UNC80: variants seen among roughly 807,000 people sequenced by gnomAD.
UNC80 encodes the protein unc-80 subunit of NALCN channel complex.
UNC80 carries 164 observed loss-of-function variants against 384.6 expected under a neutral mutation model. That is an observed-to-expected ratio of 0.43 (90% CI 0.38 to 0.49). The LOEUF (loss-of-function observed/expected upper bound fraction) is 0.49. Ranked by LOEUF, UNC80 falls within the 20% of genes least tolerant of loss-of-function variation. The pLI is 0.00. For missense variants in UNC80, 3,330 were observed against 4,143.0 expected, an observed-to-expected ratio of 0.80 and a Z score of 5.39; for synonymous variants, 1,486 against 1,527.8, an observed-to-expected ratio of 0.97 and a Z score of 0.64.
intron 25 of UNC80, among the ~76,000 whole-genome samples, chr2:209,887,536 G>T (rs1370790932): frequency 6.6e-6 from 1 of 152,146 alleles, no homozygotes; most frequent in Non-Finnish European, 1.5e-5. Flanking sequence ...GCCATGTAAG[G>T]CAACATATTC....
At chr2:209,943,548 C>A (rs756304266) in intron 45 of UNC80, 34 bp downstream of exon 45, 2 of 1,548,150 alleles carry the variant, frequency 1.3e-6, no homozygotes, top group African/African-American at 1.4e-5. Flanking sequence ...AAAATGAAGA[C>A]CAACAAAATG....
At chr2:209,920,880 C>A (rs112634987) in intron 33 of UNC80, among the ~76,000 whole-genome samples, 1 of 150,038 alleles carries the variant, frequency 6.7e-6, no homozygotes, top group Admixed American at 6.7e-5. Flanking sequence ...CAGGCTGGAG[C>A]GCAGTGGTGT....
At chr2:209,833,115 A>C (rs2081099325) in intron 16 of UNC80, among the ~76,000 whole-genome samples, 1 of 152,148 alleles carries the variant, frequency 6.6e-6, no homozygotes. Flanking sequence ...CAGAACCCAA[A>C]GCGTTCTCCA....
Position 209,936,886 on chromosome 2 carries a change from C to T in UNC80, c.6316C>T (p.His2106Tyr), listed in dbSNP as rs2091283322. 6.4e-7 allele frequency: 1 copy of T among 1,550,998 alleles called. No individual in the cohort carries two copies. The highest frequency in any genetic ancestry group is 2.4e-5 in the East Asian group (1 of 40,898). ...TAATATCCCAGAATCCCAGTCAACA[C>T]ATTATTTTCTTATGGATAAACGATG... Reference protein sequence around the residue: ...FFNIPESQSTHYFLMDKRWNL... With the variant: ...FFNIPESQSTYYFLMDKRWNL... Residue 2106 changes from histidine (H) to tyrosine (Y), a missense_variant, in exon 41 of 65, where the codon CAT (histidine) becomes TAT (tyrosine). This residue lies in a region of UNC80 where 1,049 missense variants were observed against 1,488.6 expected (regional missense o/e 0.70). Transcript: ENST00000673920.
intron 21 of UNC80, among the ~76,000 whole-genome samples, chr2:209,848,677 T>C (rs530564394): frequency 5.5e-4 from 84 of 152,278 alleles, no homozygotes; most frequent in Non-Finnish European, 1.1e-3. Context: ...AGATTGGTAA[T>C]TATTTTTATG....
At chr2:209,990,652 A>G (rs1415541212) in intron 61 of UNC80, among the ~76,000 whole-genome samples, 1 of 152,224 alleles carries the variant, frequency 6.6e-6, no homozygotes, top group Non-Finnish European at 1.5e-5. Flanking sequence ...ATGTCATTTC[A>G]AACATGCCAG....
In UNC80 at chr2:209,831,604, C is replaced by T; in HGVS notation, c.2775+13C>T. 1 of 1,526,734 alleles carries T rather than the reference C, an allele frequency of 6.5e-7. No homozygotes were observed. Among genetic ancestry groups the T allele is most frequent in the Non-Finnish European group, 8.8e-7 (1 of 1,135,392 alleles). 94.6% of individuals were successfully genotyped at this position (1,526,734 alleles called of 1,614,324 possible). A position where few individuals can be genotyped will look rare whatever the true frequency, so the allele number is the denominator to read the frequency against. The stretch of plus-strand genomic sequence containing the variant: ...CCCTGAGAATCTGGTGAGAAGCTCT[C>T]CTCTCTTCCCACAGGAGCTCTCAGT... On this transcript the variant is annotated intron_variant, in intron 16 of 64. Transcript: ENST00000673920.
At chr2:209,937,448 GA>G in intron 41 of UNC80, 80 bp from the exon 42 acceptor site, 1 of 1,084,426 alleles carries the variant, frequency 9.2e-7, no homozygotes, top group Non-Finnish European at 1.4e-6. Context: ...CTAGTGCTTA[GA>G]TCTTTGGGTA....
At chr2:209,799,159 T>C (rs1349710188) in intron 7 of UNC80, among the ~76,000 whole-genome samples, 2 of 152,054 alleles carry the variant, frequency 1.3e-5, no homozygotes, top group African/African-American at 4.8e-5. Context: ...TATAAATTAC[T>C]TTGGGCAGTG....
At chr2:209,824,350 G>T (rs1169847274) in intron 13 of UNC80, among the ~76,000 whole-genome samples, 1 of 152,106 alleles carries the variant, frequency 6.6e-6, no homozygotes. Context: ...CCTCTGTTAG[G>T]TATGAAGAAG....
intron 3 of UNC80, among the ~76,000 whole-genome samples, chr2:209,777,017 G>T (rs1259004136): frequency 6.6e-6 from 1 of 152,136 alleles, no homozygotes; most frequent in African/African-American, 2.4e-5. Context: ...TGCCTATTTG[G>T]AAATATATTT....
At chr2:209,912,095 T>C (rs1284406975) in intron 29 of UNC80, among the ~76,000 whole-genome samples, 4 of 152,222 alleles carry the variant, frequency 2.6e-5, no homozygotes, top group Admixed American at 2.6e-4. Flanking sequence ...TTTCTCTCCT[T>C]TATGACCAAG....
chr2:209,943,066 T>C (rs1303827934), intron 44 of UNC80, among the ~76,000 whole-genome samples: 9 of 152,210 alleles, frequency 5.9e-5, no homozygotes, highest in Non-Finnish European at 4.4e-5. Flanking sequence ...ATTTGTCTCA[T>C]ATTTTCCACT....
At chr2:209,937,048 C>T (rs1352060500) in intron 41 of UNC80, 115 bp downstream of exon 41, 5 of 673,434 alleles carry the variant, frequency 7.4e-6, no homozygotes, top group Non-Finnish European at 1.3e-5. Context: ...AGTATGGCCA[C>T]CTGGGTCACA....
intron 26 of UNC80, among the ~76,000 whole-genome samples, chr2:209,891,906 T>A (rs1378950422): frequency 6.6e-6 from 1 of 152,182 alleles, no homozygotes; most frequent in Non-Finnish European, 1.5e-5. Context: ...TTGTAAAACC[T>A]TAAGATGCCA....
chr2:209,841,094 G>A (rs2081711389), intron 20 of UNC80, among the ~76,000 whole-genome samples: 2 of 151,994 alleles, frequency 1.3e-5, no homozygotes, highest in Middle Eastern at 3.2e-3. Flanking sequence ...AAAGAATCTC[G>A]GGATGACCTT....
chr2:209,967,971 C>T (rs1559411524), intron 52 of UNC80: 1 of 167,246 alleles, frequency 6.0e-6, no homozygotes, highest in Admixed American at 6.3e-5. Flanking sequence ...AATGAAACAA[C>T]TAATGAGAAA....
chr2:209,902,501 C>A (rs1271493333), intron 28 of UNC80, among the ~76,000 whole-genome samples: 10 of 152,090 alleles, frequency 6.6e-5, no homozygotes, highest in Non-Finnish European at 1.5e-4. Flanking sequence ...TAGAGAAAAA[C>A]CTTTCATGAA....
In UNC80 at chr2:209,872,942, C is replaced by T; in HGVS notation, c.3812C>T (p.Ala1271Val). The change falls in exon 23 of 65, where the codon GCA (alanine) becomes GTA (valine). Residue 1271 changes from alanine (A) to valine (V), a missense_variant. By Grantham distance (64) the Ala-to-Val change is moderately conservative. Around this residue, in one of 8 missense-constraint regions of UNC80, gnomAD observed 801 missense variants for 950.8 expected, o/e 0.84. Coordinates refer to ENST00000673920, the MANE Select transcript of UNC80 (RefSeq NM_001371986.1). This position sits in a 1 kb window ranked among gnomAD's most constrained non-coding sequence, Gnocchi z 4.1. ...CGAAACCAGAAGCTGCAGTGGAATG[C>T]AGCCAAGCTCTTCTACCAATGGGGA... ...NKRNQKLQWN[A>V]AKLFYQWGDA... 6.4e-7 allele frequency: 1 copy of T among 1,551,646 alleles called. No individual in the cohort carries two copies. Among genetic ancestry groups the T allele is most frequent in the Non-Finnish European group, 8.7e-7 (1 of 1,146,958 alleles).
Sources: allele counts gnomAD v4.1 joint callset (sites outside exome capture counted in the v4.1 genomes callset), GRCh38; gene constraint gnomAD v4.1.1; regional missense constraint gnomAD v4.1.1; non-coding constraint Gnocchi (gnomAD v3.1); transcripts MANE v1.5; gene names NCBI Gene and HGNC (gene_info 2026-07-23, HGNC 2026-07-21).